ABI2: variants seen among roughly 807,000 people sequenced by gnomAD.
The protein encoded by ABI2 is abelson interactor 2.
ABI2 carries 25 observed loss-of-function variants against 59.2 expected under a neutral mutation model. The ratio of observed to expected loss-of-function variants is 0.42; its 90% CI spans 0.31 to 0.59. ABI2 has a LOEUF of 0.59. ABI2 is among the 20% of genes least tolerant of loss of function. The pLI is 0.14. For missense variants in ABI2, 545 were observed against 681.8 expected, an observed-to-expected ratio of 0.80 and a Z score of 2.23; for synonymous variants, 213 against 235.5, an observed-to-expected ratio of 0.90 and a Z score of 0.87.
intron 1 of ABI2, among the ~76,000 whole-genome samples, chr2:203,332,050 C>G (rs2073970152): frequency 6.6e-6 from 1 of 151,298 alleles, no homozygotes; most frequent in Non-Finnish European, 1.5e-5. Context: ...CCCCAGATGA[C>G]CCACCCACCT....
At chr2:203,417,811 C>A (rs960538997) in intron 11 of ABI2, among the ~76,000 whole-genome samples, 1 of 152,042 alleles carries the variant, frequency 6.6e-6, no homozygotes, top group African/African-American at 2.4e-5. Flanking sequence ...ATTTTAAAAC[C>A]CCACAAAATA....
rs2078324687 is a variant in ABI2 at position 203,339,033 on chromosome 2, A to G, written c.117+10402A>G. ...AAAGGATTCATACAACTTAATAGCA[A>G]AAAACCAAATAACCAGATTTTAAAA... On this transcript the variant is annotated intron_variant, in intron 1 of 11. Coordinates refer to ENST00000261018, the MANE Select transcript of ABI2 (RefSeq NM_001375670.1). Among the ~76,000 whole-genome samples the G allele has an allele frequency of 3.8e-5, 5 of 131,702 alleles. No individual in the cohort carries two copies. The South Asian group carries it at 7.3e-4, about 19-fold the overall frequency. 86.4% of individuals were successfully genotyped at this position (131,702 alleles called of 152,430 possible).
intron 4 of ABI2, among the ~76,000 whole-genome samples, chr2:203,384,766 A>G (rs2096388711): frequency 6.6e-6 from 1 of 152,184 alleles, no homozygotes. Flanking sequence ...AATCAAAAGT[A>G]ATAAAAACTT....
intron 3 of ABI2, 43 bp from the exon 4 acceptor site, chr2:203,382,146 T>C: frequency 2.7e-6 from 4 of 1,497,338 alleles, no homozygotes; most frequent in South Asian, 2.6e-5. Context: ...CTTTCAATGC[T>C]TTTTTTCCTT....
chr2:203,357,542 C>T (rs138996705), intron 1 of ABI2, among the ~76,000 whole-genome samples: 73 of 152,304 alleles, frequency 4.8e-4, no homozygotes, highest in African/African-American at 1.7e-3. Context: ...GCTCCTCTGA[C>T]ACTTTGGTGT....
chr2:203,361,855 G>A (rs2093567333), intron 1 of ABI2, among the ~76,000 whole-genome samples: 1 of 152,178 alleles, frequency 6.6e-6, no homozygotes, highest in South Asian at 2.1e-4. Context: ...AGCTGTGTCT[G>A]TGCTAAGTTT....
intron 1 of ABI2, among the ~76,000 whole-genome samples, chr2:203,354,579 T>C (rs2090880511): frequency 6.6e-6 from 1 of 152,238 alleles, no homozygotes; most frequent in Non-Finnish European, 1.5e-5. Context: ...TTGTAGATGC[T>C]GTGGCAAAAG....
intron 1 of ABI2, chr2:203,342,127 A>G (rs2080299229): frequency 2.3e-6 from 1 of 435,142 alleles, no homozygotes; most frequent in Non-Finnish European, 4.6e-6. Context: ...TTTGTTGAGT[A>G]AAATGAACTT....
At chr2:203,338,555 A>G (rs1386936537) in intron 1 of ABI2, among the ~76,000 whole-genome samples, 3 of 151,886 alleles carry the variant, frequency 2.0e-5, no homozygotes, top group Non-Finnish European at 4.4e-5. Flanking sequence ...ATTACACCTC[A>G]CCAGAAGTAC....
At chr2:203,376,245 C>T (rs964810484) in intron 2 of ABI2, 20 of 716,404 alleles carry the variant, frequency 2.8e-5, no homozygotes, top group Non-Finnish European at 4.3e-5. Context: ...TGTCACATCT[C>T]ATGGTGGGGG....
At chr2:203,345,921 T>A (rs1473604084) in intron 1 of ABI2, among the ~76,000 whole-genome samples, 1 of 151,822 alleles carries the variant, frequency 6.6e-6, no homozygotes, top group Non-Finnish European at 1.5e-5. Context: ...GGCTCACGCC[T>A]GTAATCCCAG....
chr2:203,359,346 T>C (rs2092993177), intron 1 of ABI2, among the ~76,000 whole-genome samples: 1 of 152,234 alleles, frequency 6.6e-6, no homozygotes, highest in Non-Finnish European at 1.5e-5. Flanking sequence ...ACATTTTCAC[T>C]TGAGTTCTTA....
rs1212746381 is a variant in ABI2, at chr2:203,328,630, A to C, written c.116A>C (p.Gln39Pro). ...VADYCENNYI[Q>P]SADKQRALEE... ...GATTACTGCGAGAACAACTACATAC[A>C]GGTGCGAAGCATCCCCAGCTGGGCC... The change falls in exon 1 of 12, where the codon CAG becomes CCG. Residue 39 changes from glutamine (Q) to proline (P), a missense_variant and splice_region_variant. Physicochemically the swap from Gln to Pro is moderately conservative, Grantham distance 76. This residue lies in a region of ABI2 where 55 missense variants were observed against 59.7 expected (regional missense o/e 0.92). Transcript: ENST00000261018. 1 of 1,571,052 alleles carries C rather than the reference A, an allele frequency of 6.4e-7. No individual in the cohort carries two copies. The highest frequency in any genetic ancestry group is 8.6e-7 in the Non-Finnish European group (1 of 1,159,608).
intron 1 of ABI2, among the ~76,000 whole-genome samples, chr2:203,344,468 C>T (rs1019856471): frequency 2.6e-5 from 4 of 151,844 alleles, no homozygotes; most frequent in African/African-American, 7.3e-5. Context: ...TGGGTTCAAG[C>T]GATTCTTCTG....
chr2:203,342,182 G>T (rs1389889775), intron 1 of ABI2: 1 of 453,900 alleles, frequency 2.2e-6, no homozygotes, highest in Admixed American at 2.4e-5. Context: ...TTCCTTCCTG[G>T]TCGTTCAAAA....
chr2:203,355,406 G>T (rs1361421537), intron 1 of ABI2: 1 of 178,026 alleles, frequency 5.6e-6, no homozygotes, highest in Non-Finnish European at 1.2e-5. Context: ...AGACTACTTG[G>T]GAGGCTGAGG....
Position 203,427,203 on chromosome 2 carries a change from G to A in ABI2, c.1480G>A (p.Asp494Asn), listed in dbSNP as rs1448863027. 8.1e-6 allele frequency: 13 copies of A among 1,613,962 alleles called. No homozygotes were observed. ...KVVAIYDYTKDKEDELSFQEG... is the reference protein window; with the variant it reads ...KVVAIYDYTKNKEDELSFQEG... The stretch of plus-strand genomic sequence containing the variant: ...TGTGGCAATTTATGACTATACAAAA[G>A]ACAAGGAAGATGAGCTGTCCTTTCA... Residue 494 changes from aspartate (D) to asparagine (N), a missense_variant, in exon 12 of 12, where the codon GAC becomes AAC. Asp to Asn is a conservative substitution (Grantham distance 23). This residue lies in a region of ABI2 where 44 missense variants were observed against 106.4 expected (regional missense o/e 0.41). Transcript: ENST00000261018.
intron 1 of ABI2, among the ~76,000 whole-genome samples, chr2:203,353,511 G>A (rs771675300): frequency 2.6e-5 from 4 of 152,168 alleles, no homozygotes; most frequent in East Asian, 1.9e-4. Context: ...ACAGAATCTC[G>A]CTCTGTCGCC....
chr2:203,332,486 A>C (rs534285916), intron 1 of ABI2, among the ~76,000 whole-genome samples: 1 of 152,228 alleles, frequency 6.6e-6, no homozygotes, highest in East Asian at 1.9e-4. Context: ...TTAGCTGGCT[A>C]TGGTGGCGTG....
Sources: allele counts gnomAD v4.1 joint callset (sites outside exome capture counted in the v4.1 genomes callset), GRCh38; gene constraint gnomAD v4.1.1; regional missense constraint gnomAD v4.1.1; transcripts MANE v1.5; gene names NCBI Gene and HGNC (gene_info 2026-07-23, HGNC 2026-07-21).